Variants in RSPO1 observed in about 807,000 individuals in gnomAD.
The protein encoded by RSPO1 is R-spondin 1.
A neutral mutation model predicts 26.0 loss-of-function variants in RSPO1; 18 were observed. That is an observed-to-expected ratio of 0.69 (90% CI 0.48 to 1.03). The LOEUF (loss-of-function observed/expected upper bound fraction) is 1.03, where lower values mean the gene tolerates loss of function less well. RSPO1 is among the 50% of genes least tolerant of loss of function. RSPO1 has a pLI of 0.00. For missense variants in RSPO1, 309 were observed against 352.3 expected (o/e 0.88, Z 0.98); for synonymous variants, 133 against 137.4 (o/e 0.97, Z 0.22).
chr1:37,623,007 C>T (rs960621521), intron 3 of RSPO1, among the ~76,000 whole-genome samples: 3 of 151,752 alleles, frequency 2.0e-5, no homozygotes, highest in Non-Finnish European at 4.4e-5. Flanking sequence ...CCCGAGGACA[C>T]GAGGAAATGG....
chr1:37,628,173 TTC>T (rs956488723), intron 3 of RSPO1, among the ~76,000 whole-genome samples: 13 of 150,768 alleles, frequency 8.6e-5, no homozygotes, highest in Non-Finnish European at 1.2e-4. Flanking sequence ...GTTCCTCCCA[TTC>T]TCTCTCTCTC....
At chr1:37,618,356 G>T (rs1025489435) in intron 3 of RSPO1, among the ~76,000 whole-genome samples, 9 of 152,180 alleles carry the variant, frequency 5.9e-5, no homozygotes, top group Non-Finnish European at 1.3e-4. Flanking sequence ...ACTCTCTGAG[G>T]GGGGACAGAG....
rs374869819 is a variant in RSPO1, at chr1:37,612,611, G to A, written c.*144C>T. The A allele has an allele frequency of 8.3e-6, 7 of 847,756 alleles. No individual in the cohort carries two copies. Among genetic ancestry groups the A allele is most frequent in the African/African-American group, 4.9e-5 (3 of 60,628 alleles). 52.5% of individuals were successfully genotyped at this position (847,756 alleles called of 1,614,324 possible). A position where few individuals can be genotyped will look rare whatever the true frequency, so the allele number is the denominator to read the frequency against. On this transcript the variant is annotated 3_prime_UTR_variant, in exon 7 of 7. Coordinates refer to ENST00000356545, the MANE Select transcript of RSPO1 (RefSeq NM_001242908.2). ...TGTATATGTGGACAGGGGTTTGAGC[G>A]TGTGTGTCTTGTGTCTATGTATGCA...
At chr1:37,632,506 A>T (rs111585632) in intron 1 of RSPO1, among the ~76,000 whole-genome samples, 153 bp from the exon 2 acceptor site, 4 of 2,918 alleles carry the variant, frequency 1.4e-3, no homozygotes, top group South Asian at 7.2e-3. Flanking sequence ...CCTCTATACC[A>T]GGGGGTACAA....
chr1:37,617,804 G>A (rs1644140497), intron 3 of RSPO1, among the ~76,000 whole-genome samples: 1 of 151,884 alleles, frequency 6.6e-6, no homozygotes, highest in Non-Finnish European at 1.5e-5. Flanking sequence ...ACCTTGCGCA[G>A]TGTGAGCCCT....
At chr1:37,625,842 C>A (rs751304308) in intron 3 of RSPO1, among the ~76,000 whole-genome samples, 2 of 152,134 alleles carry the variant, frequency 1.3e-5, no homozygotes, top group Non-Finnish European at 2.9e-5. Flanking sequence ...CCACTCCTGG[C>A]TAATTTTTGT....
chr1:37,623,846 G>GCAA (rs1644239241), intron 3 of RSPO1, among the ~76,000 whole-genome samples: 2 of 147,332 alleles, frequency 1.4e-5, no homozygotes, highest in Non-Finnish European at 3.0e-5. Context: ...TGCAACCTCC[G>GCAA]CCTCCTGGGT....
At chr1:37,629,477 C>A (rs539910827) in intron 3 of RSPO1, 91 bp downstream of exon 3, 1 of 989,360 alleles carries the variant, frequency 1.0e-6, no homozygotes, top group Middle Eastern at 2.1e-4. Flanking sequence ...CAAGGGTCAT[C>A]ATGGAATAAA....
At chr1:37,619,942 T>A (rs1557433462) in intron 3 of RSPO1, among the ~76,000 whole-genome samples, 1 of 151,876 alleles carries the variant, frequency 6.6e-6, no homozygotes, top group Non-Finnish European at 1.5e-5. Context: ...AGAGACGGGG[T>A]TTCACCATGT....
rs1234679157 is a variant in RSPO1, at chr1:37,634,131, C to A, written c.-356+435G>T. On this transcript the variant is annotated intron_variant, in intron 1 of 6. Transcript: ENST00000356545. The surrounding 1 kb of genome is among the most constrained non-coding windows in gnomAD (Gnocchi z 4.7). ...CGGGGGCCGCAGCGCATGCCGCCTG[C>A]CACGTCGAACCCAGGCCCAGGCTGC... is the stretch of plus-strand genomic sequence containing the variant. Among the ~76,000 whole-genome samples, 1 of 152,170 alleles carries A rather than the reference C, an allele frequency of 6.6e-6. No individual in the cohort carries two copies. The highest frequency in any genetic ancestry group is 2.1e-4 in the South Asian group (1 of 4,830).
intron 3 of RSPO1, among the ~76,000 whole-genome samples, chr1:37,617,688 A>AAAAAAAAAAAAG (rs1553120745): frequency 7.3e-6 from 1 of 136,536 alleles, no homozygotes; most frequent in African/African-American, 2.6e-5. Context: ...AAAAAAAAAA[A>AAAAAAAAAAAAG]AGAGAGAACC....
At chr1:37,632,579 A>T (rs1258702674) in intron 1 of RSPO1, among the ~76,000 whole-genome samples, 1 of 152,220 alleles carries the variant, frequency 6.6e-6, no homozygotes, top group African/African-American at 2.4e-5. Context: ...GCCCCATCTA[A>T]AGGGAGCATA....
chr1:37,613,909 G>A lies in RSPO1; in HGVS notation c.437-17C>T. 1.2e-6 allele frequency: 2 copies of A among 1,613,578 alleles called. No homozygotes were observed. The highest frequency in any genetic ancestry group is 2.2e-5 in the South Asian group (2 of 91,066). On this transcript the variant is annotated splice_polypyrimidine_tract_variant and intron_variant, in intron 5 of 6. Transcript: ENST00000356545. The surrounding 1 kb of genome is among the most constrained non-coding windows in gnomAD (Gnocchi z 4.5). Reference sequence around the variant, plus strand: ...CACATTGCGCTGGCAGGAAGAGAAGGGAAGGGAGAGAAGGACAAGGAGGAG... The same window carrying A: ...CACATTGCGCTGGCAGGAAGAGAAGAGAAGGGAGAGAAGGACAAGGAGGAG...
chr1:37,633,144 A>G (rs1253138290), intron 1 of RSPO1, among the ~76,000 whole-genome samples: 1 of 152,226 alleles, frequency 6.6e-6, no homozygotes, highest in Non-Finnish European at 1.5e-5. Context: ...GGAAGGTAGA[A>G]TTATTTCCAT....
Position 37,629,657 on chromosome 1 carries a change from C to T in RSPO1, c.5G>A (p.Arg2Gln), listed in dbSNP as rs377442675. The change falls in exon 3 of 7, where the codon CGG becomes CAG. Residue 2 changes from arginine (R) to glutamine (Q), a missense_variant. Coordinates refer to ENST00000356545, the MANE Select transcript of RSPO1 (RefSeq NM_001242908.2). ...CAGGGCCACCACACACAGCCCAAGC[C>T]GCATAGTCACGCGCCAGCTCCAGGC... M[R>Q]LGLCVVALVL... 22 of 1,614,070 alleles carry T rather than the reference C, an allele frequency of 1.4e-5. No individual in the cohort carries two copies. Among genetic ancestry groups the T allele is most frequent in the Admixed American group, 1.7e-5 (1 of 60,014 alleles).
rs746057851 is a variant in RSPO1, at chr1:37,612,504, G to GTA, written c.*250_*251insTA. 45 of 577,408 alleles carry GTA rather than the reference G, an allele frequency of 7.8e-5. 1 individual carries two copies. Among genetic ancestry groups the GTA allele is most frequent in the Non-Finnish European group, 1.2e-4 (39 of 320,368 alleles). 35.8% of individuals were successfully genotyped at this position (577,408 alleles called of 1,614,324 possible). ...AGTGTCTTCTGGTGGCCTCAGGTGT[G>GTA]TGTGTGTGTGTGTGTGTATGTGTGT... On this transcript the variant is annotated 3_prime_UTR_variant, in exon 7 of 7. Transcript: ENST00000356545.
chr1:37,612,803 C>T lies in RSPO1; in HGVS notation c.744G>A (p.Gln248=), dbSNP rs768110214. ...GSRRRKGQQQ[Q]QQQGTVGPLT... is the part of the protein sequence containing the mutation. ...GTGGCCCCACTGTCCCTTGCTGCTG[C>T]TGCTGTTGCTGCCCCTTGCGTCTTC... is the stretch of plus-strand genomic sequence containing the variant. The change falls in exon 7 of 7, where the codon CAG becomes CAA. Residue 248 remains glutamine, a synonymous_variant. Transcript: ENST00000356545. The T allele has an allele frequency of 7.4e-6, 12 of 1,613,210 alleles. No individual in the cohort carries two copies. Among genetic ancestry groups the T allele is most frequent in the Middle Eastern group, 1.6e-4 (1 of 6,062 alleles).
chr1:37,613,681 G>A lies in RSPO1; in HGVS notation c.625+23C>T, dbSNP rs2148158108. 6.3e-7 allele frequency: 1 copy of A among 1,598,752 alleles called. No individual in the cohort carries two copies. Among genetic ancestry groups the A allele is most frequent in the Non-Finnish European group, 8.6e-7 (1 of 1,168,790 alleles). ...GGCTGGTGCCTGAGCCCTGACCCCA[G>A]GGAGGCAGAGGCTGCAGCTCACCCT... On this transcript the variant is annotated intron_variant, in intron 6 of 6. Coordinates refer to ENST00000356545, the MANE Select transcript of RSPO1 (RefSeq NM_001242908.2). This position sits in a 1 kb window ranked among gnomAD's most constrained non-coding sequence, Gnocchi z 4.5.
intron 2 of RSPO1, among the ~76,000 whole-genome samples, chr1:37,630,683 C>T (rs1354994027): frequency 6.6e-6 from 1 of 152,230 alleles, no homozygotes; most frequent in Non-Finnish European, 1.5e-5. Flanking sequence ...CCGGTCCCTC[C>T]CCTGATCAGA....
Sources: gnomAD v4.1 joint callset for allele counts (sites outside exome capture counted in the v4.1 genomes callset) on GRCh38, gnomAD v4.1.1 for gene constraint, Gnocchi (gnomAD v3.1) non-coding constraint, MANE v1.5 for transcripts, NCBI Gene and HGNC (gene_info 2026-07-23, HGNC 2026-07-21) for gene names.